The following NEGR1 variants were observed in gnomAD, a reference collection of about 807,000 sequenced individuals.
NEGR1 encodes the protein neuronal growth regulator 1, also known as IgLON family member 4.
A neutral mutation model predicts 40.9 loss-of-function variants in NEGR1; 10 were observed. The observed-to-expected ratio is 0.24, with a 90% confidence interval of 0.15 to 0.42. NEGR1 has a LOEUF of 0.42. Ranked by LOEUF, NEGR1 falls within the 10% of genes least tolerant of loss-of-function variation. The probability of loss-of-function intolerance (pLI) is 1.00; values close to 1 mark genes in which losing one functional copy is unlikely to be tolerated. For missense variants in NEGR1, 352 were observed against 438.9 expected, an observed-to-expected ratio of 0.80 and a Z score of 1.77; for synonymous variants, 185 against 166.8, an observed-to-expected ratio of 1.11 and a Z score of -0.84.
intron 3 of NEGR1, among the ~76,000 whole-genome samples, chr1:71,762,953 C>T (rs1423321286): frequency 6.6e-6 from 1 of 151,342 alleles, no homozygotes; most frequent in African/African-American, 2.4e-5. Context: ...AGAAAAAGTT[C>T]TGAACATAGA....
At chr1:72,147,733 GTTGCAGGTATTGGGTAAA>G (rs1650963592) in intron 1 of NEGR1, among the ~76,000 whole-genome samples, 1 of 152,242 alleles carries the variant, frequency 6.6e-6, no homozygotes, top group African/African-American at 2.4e-5. Flanking sequence ...ATACAATGGG[GTTGCAGGTATTGGGTAAA>G]TATAGCAGTT....
At chr1:72,234,075 C>T (rs1654468799) in intron 1 of NEGR1, among the ~76,000 whole-genome samples, 1 of 152,046 alleles carries the variant, frequency 6.6e-6, no homozygotes, top group African/African-American at 2.4e-5. Flanking sequence ...AAAGTATTCG[C>T]TTACCCAGGT....
At chr1:71,542,553 G>A (rs747097425) in intron 6 of NEGR1, among the ~76,000 whole-genome samples, 3 of 151,722 alleles carry the variant, frequency 2.0e-5, no homozygotes, top group East Asian at 2.0e-4. Flanking sequence ...GAAGGAAAAT[G>A]AGGGCCCAGC....
At chr1:72,023,998 C>T (rs1258566636) in intron 1 of NEGR1, among the ~76,000 whole-genome samples, 4 of 151,984 alleles carry the variant, frequency 2.6e-5, no homozygotes, top group Non-Finnish European at 5.9e-5. Flanking sequence ...TTAAGAATAA[C>T]CTTTAGAAGC....
intron 2 of NEGR1, among the ~76,000 whole-genome samples, chr1:71,917,473 T>C (rs1179218963): frequency 6.6e-6 from 1 of 151,974 alleles, no homozygotes; most frequent in Non-Finnish European, 1.5e-5. Flanking sequence ...GCCATATCAA[T>C]TTTTTTTAAC....
At chr1:71,904,500 T>C (rs1382685763) in intron 2 of NEGR1, among the ~76,000 whole-genome samples, 2 of 152,114 alleles carry the variant, frequency 1.3e-5, no homozygotes, top group African/African-American at 4.8e-5. Flanking sequence ...CGTAGCAACA[T>C]TCCTTAAACT....
chr1:71,827,576 C>T (rs1471307270), intron 2 of NEGR1, among the ~76,000 whole-genome samples: 1 of 151,808 alleles, frequency 6.6e-6, no homozygotes, highest in Non-Finnish European at 1.5e-5. Context: ...TCCTCAGTGT[C>T]TCATGTTTTT....
intron 1 of NEGR1, among the ~76,000 whole-genome samples, chr1:71,967,881 A>G (rs1335884242): frequency 6.6e-6 from 1 of 152,218 alleles, no homozygotes; most frequent in Non-Finnish European, 1.5e-5. Flanking sequence ...GCCAATATGC[A>G]GTATTCTCTA....
At chr1:71,801,319 G>A (rs1171599065) in intron 2 of NEGR1, among the ~76,000 whole-genome samples, 3 of 152,068 alleles carry the variant, frequency 2.0e-5, no homozygotes, top group African/African-American at 7.2e-5. Context: ...GCTTTAGTGA[G>A]TCCATCACAT....
In NEGR1 at chr1:72,220,254, TTC is replaced by T. The variant is rs534011511; in HGVS notation, c.176+62063_176+62064del. On this transcript the variant is annotated intron_variant, in intron 1 of 6. Transcript: ENST00000357731. ...CTCTACCCAGCTGAATTAAATAAAATTCTCTCTCTCTCTCTCCCCCTTTTTAT... is the reference window on the plus strand; with the variant it reads ...CTCTACCCAGCTGAATTAAATAAAATTCTCTCTCTCTCTCCCCCTTTTTAT... Among the ~76,000 whole-genome samples the T allele has an allele frequency of 3.3e-5, 5 of 151,002 alleles. No homozygotes were observed. The East Asian group carries it at 5.8e-4, about 18-fold the overall frequency.
intron 1 of NEGR1, among the ~76,000 whole-genome samples, chr1:71,982,071 T>G (rs956070192): frequency 5.9e-5 from 9 of 152,190 alleles, no homozygotes; most frequent in African/African-American, 2.2e-4. Context: ...ATTGTTACTA[T>G]CCGGTTCTTT....
chr1:72,272,961 T>TA (rs1410599977), intron 1 of NEGR1, among the ~76,000 whole-genome samples: 2 of 150,260 alleles, frequency 1.3e-5, no homozygotes, highest in African/African-American at 4.8e-5. Context: ...CTCCTTTTCT[T>TA]AGAGAAAGTG....
chr1:71,801,862 A>G (rs1657574504), intron 2 of NEGR1, among the ~76,000 whole-genome samples: 2 of 152,210 alleles, frequency 1.3e-5, no homozygotes, highest in Admixed American at 1.3e-4. Context: ...GAGGGTTCTG[A>G]AAGAAAAGAG....
At chr1:72,278,901 A>AT (rs1371465415) in intron 1 of NEGR1, among the ~76,000 whole-genome samples, 1 of 152,116 alleles carries the variant, frequency 6.6e-6, no homozygotes, top group Non-Finnish European at 1.5e-5. Context: ...GACATCATAT[A>AT]TTTTTTAAAT....
At chr1:71,689,124 G>T (rs1337682792) in intron 4 of NEGR1, among the ~76,000 whole-genome samples, 1 of 152,068 alleles carries the variant, frequency 6.6e-6, no homozygotes, top group African/African-American at 2.4e-5. Flanking sequence ...ACATTTTAAA[G>T]GATGAAAAGT....
intron 1 of NEGR1, among the ~76,000 whole-genome samples, chr1:72,051,339 T>G (rs926741139): frequency 6.6e-6 from 1 of 151,466 alleles, no homozygotes; most frequent in Non-Finnish European, 1.5e-5. Context: ...TTCTCCAATA[T>G]AAATATATTT....
intron 1 of NEGR1, among the ~76,000 whole-genome samples, chr1:71,986,966 G>A (rs547569395): frequency 1.6e-4 from 25 of 152,282 alleles, no homozygotes; most frequent in African/African-American, 5.3e-4. Flanking sequence ...TGCAATATCT[G>A]CCTTGATATT....
chr1:71,990,916 ATAT>A (rs1314930625), intron 1 of NEGR1, among the ~76,000 whole-genome samples: 1 of 119,058 alleles, frequency 8.4e-6, no homozygotes, highest in Admixed American at 8.7e-5. Flanking sequence ...ATATATATAT[ATAT>A]TTTTTTTTTA....
At chr1:72,210,526 A>G (rs978727978) in intron 1 of NEGR1, among the ~76,000 whole-genome samples, 1 of 151,944 alleles carries the variant, frequency 6.6e-6, no homozygotes, top group African/African-American at 2.4e-5. Context: ...AAACAGAGGC[A>G]GGCATTTGGC....
Sources: gnomAD v4.1 joint callset for allele counts (sites outside exome capture counted in the v4.1 genomes callset) on GRCh38, gnomAD v4.1.1 for gene constraint, MANE v1.5 for transcripts, NCBI Gene and HGNC (gene_info 2026-07-23, HGNC 2026-07-21) for gene names.